The following HSD17B12 variants were observed in gnomAD, a reference collection of about 807,000 sequenced individuals.
The protein encoded by HSD17B12 is very-long-chain 3-oxoacyl-CoA reductase.
A neutral mutation model predicts 39.3 loss-of-function variants in HSD17B12; 32 were observed. That is an observed-to-expected ratio of 0.81 (90% CI 0.61 to 1.09). The LOEUF (loss-of-function observed/expected upper bound fraction) is 1.09, where lower values mean the gene tolerates loss of function less well. Ranked by LOEUF, HSD17B12 falls within the 50% of genes least tolerant of loss-of-function variation. The probability of loss-of-function intolerance (pLI) is 0.00; values close to 1 mark genes in which losing one functional copy is unlikely to be tolerated. For synonymous variants in HSD17B12, 150 were observed against 146.7 expected, an observed-to-expected ratio of 1.02 and a Z score of -0.16; for missense variants, 342 against 382.9, an observed-to-expected ratio of 0.89 and a Z score of 0.89.
At chr11:43,723,405 A>G (rs1950192440) in intron 1 of HSD17B12, among the ~76,000 whole-genome samples, 1 of 152,224 alleles carries the variant, frequency 6.6e-6, no homozygotes, top group African/African-American at 2.4e-5. Flanking sequence ...CTGTCATTCA[A>G]TTCAGCTTAG....
At chr11:43,788,364 G>A (rs1415155087) in intron 3 of HSD17B12, among the ~76,000 whole-genome samples, 1 of 152,078 alleles carries the variant, frequency 6.6e-6, no homozygotes, top group Non-Finnish European at 1.5e-5. Flanking sequence ...CTCATATGCA[G>A]AACTAGAAAG....
At chr11:43,655,961 A>T in the HSD17B12 span, among the ~76,000 whole-genome samples, 1 of 152,130 alleles carries the variant, frequency 6.6e-6, no homozygotes, top group Admixed American at 6.6e-5. Context: ...TATTGATTGG[A>T]ATAGTTTCAG....
the HSD17B12 span, among the ~76,000 whole-genome samples, chr11:43,654,165 ATG>A: frequency 6.6e-6 from 1 of 151,994 alleles, no homozygotes; most frequent in Non-Finnish European, 1.5e-5. Flanking sequence ...GCATTTTTTC[ATG>A]TGTTTTTTGG....
intron 9 of HSD17B12, among the ~76,000 whole-genome samples, chr11:43,847,704 A>G (rs1590348113): frequency 9.7e-6 from 1 of 102,654 alleles, no homozygotes; most frequent in Non-Finnish European, 2.0e-5. Context: ...GCAGAGCAAG[A>G]CTCTGCCTCA....
At chr11:43,816,416 T>A in intron 6 of HSD17B12, 25 bp downstream of exon 6, 1 of 1,508,338 alleles carries the variant, frequency 6.6e-7, no homozygotes, top group Non-Finnish European at 8.9e-7. Context: ...TATAAAGATG[T>A]CATCCTTTTT....
chr11:43,729,250 T>A (rs1233926556), intron 1 of HSD17B12, among the ~76,000 whole-genome samples: 1 of 152,214 alleles, frequency 6.6e-6, no homozygotes, highest in East Asian at 1.9e-4. Flanking sequence ...AAATGAGGAC[T>A]ATTGTACATC....
intron 3 of HSD17B12, among the ~76,000 whole-genome samples, chr11:43,758,217 T>TGAGG (rs1950528344): frequency 6.6e-6 from 1 of 152,118 alleles, no homozygotes; most frequent in Non-Finnish European, 1.5e-5. Flanking sequence ...TGGGTGTCAG[T>TGAGG]GAGGGATATT....
chr11:43,825,323 G>A (rs1286339717), intron 6 of HSD17B12, among the ~76,000 whole-genome samples: 2 of 152,160 alleles, frequency 1.3e-5, no homozygotes, highest in African/African-American at 2.4e-5. Context: ...CCTGCCCATG[G>A]AGTAGATGAT....
chr11:43,800,996 G>T (rs1456688063), intron 4 of HSD17B12, among the ~76,000 whole-genome samples: 1 of 151,964 alleles, frequency 6.6e-6, no homozygotes, highest in Non-Finnish European at 1.5e-5. Flanking sequence ...AAAATTAGCT[G>T]GGCAGGGTGG....
At chr11:43,839,489 T>G (rs935321242) in intron 8 of HSD17B12, among the ~76,000 whole-genome samples, 9 of 152,230 alleles carry the variant, frequency 5.9e-5, no homozygotes, top group Middle Eastern at 3.4e-3. Flanking sequence ...CAAATAGATT[T>G]AAGGTTGTAT....
At chr11:43,653,965 G>A in the HSD17B12 span, among the ~76,000 whole-genome samples, 8 of 152,256 alleles carry the variant, frequency 5.3e-5, no homozygotes, top group South Asian at 4.1e-4. Flanking sequence ...CTGAGGAATC[G>A]CCACACTGAC....
At chr11:43,608,076 A>T in the HSD17B12 span, among the ~76,000 whole-genome samples, 1 of 152,184 alleles carries the variant, frequency 6.6e-6, no homozygotes, top group Non-Finnish European at 1.5e-5. Context: ...ATTTTTTAAA[A>T]GTAAAAATAA....
chr11:43,562,040 T>A, the HSD17B12 span, among the ~76,000 whole-genome samples: 2 of 152,220 alleles, frequency 1.3e-5, no homozygotes, highest in African/African-American at 4.8e-5. Context: ...ATTATTTCGC[T>A]TCTTCGTAAA....
intron 9 of HSD17B12, among the ~76,000 whole-genome samples, chr11:43,850,864 C>T (rs1025868811): frequency 6.6e-6 from 1 of 152,156 alleles, no homozygotes; most frequent in African/African-American, 2.4e-5. Context: ...GAGTTCGAGA[C>T]CAGCCTGGCC....
intron 4 of HSD17B12, among the ~76,000 whole-genome samples, chr11:43,810,977 G>A (rs1169981406): frequency 6.6e-6 from 1 of 152,154 alleles, no homozygotes; most frequent in African/African-American, 2.4e-5. Context: ...CCATTGTTTG[G>A]TTTGGCGAAT....
At chr11:43,707,538 T>A (rs1039019145) in intron 1 of HSD17B12, among the ~76,000 whole-genome samples, 2 of 152,202 alleles carry the variant, frequency 1.3e-5, no homozygotes, top group African/African-American at 4.8e-5. Context: ...TGAGAGATAG[T>A]CACAATTTAA....
intron 1 of HSD17B12, 31 bp from the exon 2 acceptor site, chr11:43,750,880 G>GA (rs1565074751): frequency 6.4e-7 from 1 of 1,551,800 alleles, no homozygotes; most frequent in African/African-American, 1.4e-5. Flanking sequence ...GTAATTCTTA[G>GA]ACTAAACTAT....
At chr11:43,670,544 A>T in the HSD17B12 span, 1 of 152,212 alleles carries the variant, frequency 6.6e-6, no homozygotes, top group South Asian at 2.1e-4. Flanking sequence ...TATGCTTTAT[A>T]TAACTAACAT....
the HSD17B12 span, among the ~76,000 whole-genome samples, chr11:43,617,644 C>G: frequency 2.0e-5 from 3 of 152,128 alleles, no homozygotes; most frequent in Non-Finnish European, 2.9e-5. Context: ...CTTTGAAATT[C>G]AGAGGAGAGT....
Sources: gnomAD v4.1 joint callset for allele counts (sites outside exome capture counted in the v4.1 genomes callset) on GRCh38, gnomAD v4.1.1 for gene constraint, MANE v1.5 for transcripts, NCBI Gene and HGNC (gene_info 2026-07-23, HGNC 2026-07-21) for gene names.